Variants in SEC24C observed in about 807,000 individuals in gnomAD.
SEC24C encodes protein transport protein Sec24C.
In SEC24C, 22 loss-of-function variants were observed where a neutral mutation model predicts 117.0. The observed-to-expected ratio is 0.19, with a 90% CI of 0.13 to 0.27. The LOEUF (loss-of-function observed/expected upper bound fraction) is 0.27, where lower values mean the gene tolerates loss of function less well. Ranked by LOEUF, SEC24C falls within the 10% of genes least tolerant of loss-of-function variation. The probability of loss-of-function intolerance (pLI) is 1.00; values close to 1 mark genes in which losing one functional copy is unlikely to be tolerated. For synonymous variants in SEC24C, 506 were observed against 529.4 expected (o/e 0.96, Z 0.61); for missense variants, 1,155 against 1,375.1 (o/e 0.84, Z 2.53).
chr10:73,770,738 G>A lies in SEC24C; in HGVS notation c.3084G>A (p.Leu1028=), dbSNP rs1426971513. 42 of 1,614,036 alleles carry A rather than the reference G, an allele frequency of 2.6e-5. No homozygotes were observed. Among genetic ancestry groups the A allele is most frequent in the Non-Finnish European group, 3.6e-5 (42 of 1,180,052 alleles). Residue 1028 remains leucine (L), a synonymous_variant, in exon 22 of 23, where the codon CTG becomes CTA. Transcript: ENST00000345254. ...LSVLPVLDNP[L]SKKVRGLIDS... ...TTCTGCCAGTTCTGGATAATCCACT[G>A]TCCAAGAAGGTTCGAGGCCTCATTG...
At position 73,754,712 on chromosome 10, in the gene SEC24C, T is replaced by A. The variant is rs144763598; in HGVS notation, c.308+3469T>A. Among the ~76,000 whole-genome samples, 181 of 152,308 alleles carry A rather than the reference T, an allele frequency of 1.2e-3. 6 individuals carry two copies. The East Asian group carries it at 0.024, about 20-fold the overall frequency. ...GATAAAAATTTGGGAGTCCTCAGTC[T>A]ATAGATATTTAAAGCCGTGGGACTA... On this transcript the variant is annotated intron_variant, in intron 3 of 22. Transcript: ENST00000345254.
chr10:73,749,803 A>G (rs2082619362), intron 2 of SEC24C, among the ~76,000 whole-genome samples: 1 of 152,128 alleles, frequency 6.6e-6, no homozygotes, highest in Non-Finnish European at 1.5e-5. Context: ...TGGCCTCCCA[A>G]AGTGCTGGGA....
At chr10:73,762,023 A>C in intron 6 of SEC24C, 1 of 1,022,898 alleles carries the variant, frequency 9.8e-7, no homozygotes. Flanking sequence ...GGTTGAGAGA[A>C]GTAACATCTG....
chr10:73,766,383 T>A lies in SEC24C; in HGVS notation c.1641T>A (p.Val547=). 1 of 1,611,902 alleles carries A rather than the reference T, an allele frequency of 6.2e-7. No individual in the cohort carries two copies. The highest frequency in any genetic ancestry group is 8.5e-7 in the Non-Finnish European group (1 of 1,178,488). ...EGGAEESAIR[V]GFVTYNKVLH... is the part of the protein sequence containing the mutation. ...GGGCAGAAGAGTCAGCAATCCGCGTTGGCTTTGTCACCTACAATAAGGTGC... is the reference window on the plus strand; with the variant it reads ...GGGCAGAAGAGTCAGCAATCCGCGTAGGCTTTGTCACCTACAATAAGGTGC... Residue 547 remains valine, a synonymous_variant, in exon 12 of 23, where the codon GTT becomes GTA. Transcript: ENST00000345254.
Position 73,769,669 on chromosome 10 carries a change from C to T in SEC24C, c.2618C>T (p.Thr873Ile). The T allele has an allele frequency of 1.2e-6, 2 of 1,614,188 alleles. No homozygotes were observed. The highest frequency in any genetic ancestry group is 1.7e-6 in the Non-Finnish European group (2 of 1,180,036). Residue 873 changes from threonine to isoleucine, a missense_variant, in exon 19 of 23, where the codon ACC becomes ATC. Physicochemically the swap from Thr to Ile is moderately conservative, Grantham distance 89 (BLOSUM62 -1). Transcript: ENST00000345254. This position sits in a 1 kb window ranked among gnomAD's most constrained non-coding sequence, Gnocchi z 4.5. Reference protein sequence around the residue: ...PVKAVRDTLITQCAQILACYR... With the variant: ...PVKAVRDTLIIQCAQILACYR... ...AAGGCTGTTCGTGACACGCTCATCACCCAGTGTGCCCAGATCCTGGCCTGT... is the reference window on the plus strand; with the variant it reads ...AAGGCTGTTCGTGACACGCTCATCATCCAGTGTGCCCAGATCCTGGCCTGT...
intron 2 of SEC24C, among the ~76,000 whole-genome samples, chr10:73,748,697 A>G (rs1159537728): frequency 6.6e-6 from 1 of 150,894 alleles, no homozygotes; most frequent in East Asian, 1.9e-4. Context: ...TCAGCCTCCC[A>G]AATGCTGGGA....
chr10:73,766,904 A>G (rs1200472286), intron 13 of SEC24C, 51 bp downstream of exon 13: 2 of 1,537,400 alleles, frequency 1.3e-6, no homozygotes, highest in Non-Finnish European at 1.8e-6. Context: ...TCCTCTGACC[A>G]TCTTATCCCC....
At chr10:73,751,032 C>T in intron 2 of SEC24C, 76 bp from the exon 3 acceptor site, 1 of 1,525,576 alleles carries the variant, frequency 6.6e-7, no homozygotes, top group Admixed American at 1.8e-5. Context: ...TTTATTGATC[C>T]TTGCTTTGCA....
rs769310797 is a variant in SEC24C, at chr10:73,760,764, C to T, written c.902C>T (p.Pro301Leu). The T allele has an allele frequency of 1.2e-6, 2 of 1,614,094 alleles. No homozygotes were observed. The highest frequency in any genetic ancestry group is 1.7e-6 in the Non-Finnish European group (2 of 1,179,990). The change falls in exon 6 of 23, where the codon CCA becomes CTA. Residue 301 changes from proline to leucine, a missense_variant. Transcript: ENST00000345254. ...GPQSNYGGPY[P>L]AAPTFGSQPG... ...CAGTCTAATTATGGAGGCCCCTACC[C>T]AGCAGCACCCACCTTTGGCAGTCAG... is the stretch of plus-strand genomic sequence containing the variant.
At chr10:73,754,991 G>T (rs1216075087) in intron 3 of SEC24C, among the ~76,000 whole-genome samples, 1 of 152,066 alleles carries the variant, frequency 6.6e-6, no homozygotes, top group Non-Finnish European at 1.5e-5. Context: ...AAATTAGCCG[G>T]GTGTGGTGGC....
intron 1 of SEC24C, among the ~76,000 whole-genome samples, chr10:73,745,270 C>A (rs1227789133): frequency 6.6e-6 from 1 of 151,968 alleles, no homozygotes; most frequent in Non-Finnish European, 1.5e-5. Flanking sequence ...TCTAATTCAT[C>A]CCTGTGTTGA....
In SEC24C at chr10:73,771,901, T is replaced by C. The variant is rs182114249; in HGVS notation, c.*806T>C. ...CACTGCTTCTCCAGGCCCGGGGTTG[T>C]TGGGGAGAGAGGCAGAGGCAGCTGG... is the stretch of plus-strand genomic sequence containing the variant. On this transcript the variant is annotated 3_prime_UTR_variant, in exon 23 of 23. Transcript: ENST00000345254. 213 of 162,076 alleles carry C rather than the reference T, an allele frequency of 1.3e-3. No homozygotes were observed. The highest frequency in any genetic ancestry group is 4.9e-3 in the African/African-American group (206 of 41,958). 10.0% of individuals were successfully genotyped at this position (162,076 alleles called of 1,614,324 possible).
intron 1 of SEC24C, among the ~76,000 whole-genome samples, chr10:73,744,720 CCTAGAAGCCGACTTGG>C (rs2082518183): frequency 6.6e-6 from 1 of 152,244 alleles, no homozygotes; most frequent in Admixed American, 6.5e-5. Flanking sequence ...TTAACGTGGC[CCTAGAAGCCGACTTGG>C]CTTCTCGGTT....
In SEC24C at chr10:73,751,204, A is replaced by T. The variant is rs1038364818; in HGVS notation, c.269A>T (p.Asp90Val). ...QAAYGQFGQG[D>V]VQNGPSSTVQ... ...GCATATGGCCAGTTTGGCCAAGGAG[A>T]TGTACAGAATGGGCCAAGCTCCACT... Residue 90 changes from aspartate to valine, a missense_variant, in exon 3 of 23, where the codon GAT becomes GTT. This residue lies in a region of SEC24C where 396 missense variants were observed against 382.8 expected (regional missense o/e 1.03). Transcript: ENST00000345254. 3.3e-5 allele frequency: 53 copies of T among 1,614,026 alleles called. No individual in the cohort carries two copies. Among genetic ancestry groups the T allele is most frequent in the Non-Finnish European group, 4.4e-5 (52 of 1,180,018 alleles).
intron 7 of SEC24C, 65 bp downstream of exon 7, chr10:73,763,666 GCTTTT>G: frequency 1.5e-4 from 31 of 212,386 alleles, no homozygotes; most frequent in South Asian, 5.3e-4. Context: ...TATGGTTGGG[GCTTTT>G]TTTTTTTTTT....
intron 21 of SEC24C, 96 bp downstream of exon 21, chr10:73,770,567 T>A: frequency 6.6e-7 from 1 of 1,524,420 alleles, no homozygotes; most frequent in Non-Finnish European, 9.1e-7. Flanking sequence ...CCCTCAAATA[T>A]CAGGGAACAC....
chr10:73,765,345 A>G, intron 8 of SEC24C, 106 bp from the exon 9 acceptor site: 2 of 1,266,290 alleles, frequency 1.6e-6, no homozygotes, highest in South Asian at 1.3e-5. Flanking sequence ...CTGCAGACAG[A>G]ATATCTGCGC....
chr10:73,769,948 G>A lies in SEC24C; in HGVS notation c.2795G>A (p.Arg932Gln), dbSNP rs571977799. 15 of 1,614,114 alleles carry A rather than the reference G, an allele frequency of 9.3e-6. No homozygotes were observed. The African/African-American group carries it at 1.2e-4, about 13-fold the overall frequency. ...ACTACTGATGACCGTGCCTATGTCC[G>A]ACAGCTAGTTACCTCCATGGATGTG... The part of the protein sequence containing the change: ...EVTTDDRAYV[R>Q]QLVTSMDVTE... Residue 932 changes from arginine to glutamine, a missense_variant, in exon 20 of 23, where the codon CGA (arginine) becomes CAA (glutamine). Arg to Gln is a conservative substitution (Grantham distance 43, BLOSUM62 1). This residue lies in a region of SEC24C where 759 missense variants were observed against 992.3 expected (regional missense o/e 0.76). Coordinates refer to ENST00000345254, the MANE Select transcript of SEC24C (RefSeq NM_198597.3). This position sits in a 1 kb window ranked among gnomAD's most constrained non-coding sequence, Gnocchi z 4.5.
chr10:73,769,433 T>C lies in SEC24C; in HGVS notation c.2511T>C (p.Asp837=), dbSNP rs371782612. 191 of 1,613,956 alleles carry C rather than the reference T, an allele frequency of 1.2e-4. No homozygotes were observed. Among genetic ancestry groups the C allele is most frequent in the Non-Finnish European group, 1.6e-4 (183 of 1,180,012 alleles). Residue 837 remains aspartate (D), a synonymous_variant, in exon 18 of 23, where the codon GAT becomes GAC. Transcript: ENST00000345254. The surrounding 1 kb of genome is among the most constrained non-coding windows in gnomAD (Gnocchi z 4.5). ...TGAACTGCTGCACCCAGCTGGCTGA[T>C]CTATATCGAAACTGTGAGACTGACA... ...LALNCCTQLA[D]LYRNCETDTL... is the part of the protein sequence containing the mutation.
Sources: gnomAD v4.1 joint callset for allele counts (sites outside exome capture counted in the v4.1 genomes callset) on GRCh38, gnomAD v4.1.1 for gene constraint, gnomAD v4.1.1 regional missense constraint, Gnocchi (gnomAD v3.1) non-coding constraint, MANE v1.5 for transcripts, NCBI Gene and HGNC (gene_info 2026-07-23, HGNC 2026-07-21) for gene names.